Variants in CAST observed in about 807,000 individuals in gnomAD.
CAST encodes the protein calpastatin.
Under a neutral mutation model 119.6 loss-of-function variants are expected in CAST, and 76 were observed. The observed-to-expected ratio is 0.64, with a 90% CI of 0.53 to 0.77. The LOEUF (loss-of-function observed/expected upper bound fraction) is 0.77, where lower values mean the gene tolerates loss of function less well. CAST is among the 30% of genes least tolerant of loss of function. The pLI is 0.00. For missense variants in CAST, 953 were observed against 946.5 expected, an observed-to-expected ratio of 1.01 and a Z score of -0.09; for synonymous variants, 319 against 331.6, an observed-to-expected ratio of 0.96 and a Z score of 0.41.
chr5:96,764,472 T>G (rs1769111857), intron 25 of CAST, among the ~76,000 whole-genome samples: 1 of 152,218 alleles, frequency 6.6e-6, no homozygotes, highest in Non-Finnish European at 1.5e-5. Context: ...GCAATTTCAC[T>G]TCCATGAGCT....
intron 1 of CAST, among the ~76,000 whole-genome samples, chr5:96,650,920 T>G (rs905375530): frequency 6.6e-6 from 1 of 152,172 alleles, no homozygotes; most frequent in Non-Finnish European, 1.5e-5. Context: ...TAGAATTGTG[T>G]TTGGAAATTT....
chr5:96,460,249 G>T, the CAST span, among the ~76,000 whole-genome samples: 53,430 of 151,854 alleles, frequency 0.35, 9,686 homozygotes, highest in Middle Eastern at 0.45. Context: ...AGTCACAAAA[G>T]AATGAGAAGA....
intron 1 of CAST, among the ~76,000 whole-genome samples, chr5:96,575,251 G>T (rs960602727): frequency 6.6e-6 from 1 of 151,834 alleles, no homozygotes; most frequent in African/African-American, 2.4e-5. Flanking sequence ...TGTGTGTGTT[G>T]ATCTTGTATG....
intron 9 of CAST, among the ~76,000 whole-genome samples, chr5:96,733,835 C>G (rs1204078216): frequency 6.6e-6 from 1 of 152,138 alleles, no homozygotes; most frequent in Non-Finnish European, 1.5e-5. Context: ...CAAGATCGCA[C>G]CGTTGCACTC....
At chr5:96,445,540 T>A in the CAST span, among the ~76,000 whole-genome samples, 1 of 152,202 alleles carries the variant, frequency 6.6e-6, no homozygotes, top group African/African-American at 2.4e-5. Context: ...TTTCTAACTT[T>A]ACCTCTCTTT....
chr5:96,617,506 G>A (rs1443761823), intron 1 of CAST, among the ~76,000 whole-genome samples: 2 of 151,948 alleles, frequency 1.3e-5, no homozygotes, highest in African/African-American at 4.8e-5. Flanking sequence ...AAACTCTTAG[G>A]AGGCCGGGCA....
chr5:96,561,852 G>C (rs2150184946), intron 1 of CAST, among the ~76,000 whole-genome samples: 1 of 130,450 alleles, frequency 7.7e-6, no homozygotes, highest in East Asian at 2.1e-4. Context: ...GAGTGCAGTG[G>C]CGCGATCTCG....
chr5:96,093,280 TTTG>T, the CAST span, among the ~76,000 whole-genome samples: 1 of 152,198 alleles, frequency 6.6e-6, no homozygotes, highest in Non-Finnish European at 1.5e-5. Flanking sequence ...ATACAGCTGT[TTTG>T]TTAAGTGATA....
chr5:96,555,757 C>T (rs1158143497), intron 1 of CAST, among the ~76,000 whole-genome samples: 1 of 152,240 alleles, frequency 6.6e-6, no homozygotes, highest in East Asian at 1.9e-4. Flanking sequence ...CCCACTACAG[C>T]TCAAGGAGGC....
chr5:96,759,343 CACTT>C (rs774322725), intron 24 of CAST, among the ~76,000 whole-genome samples: 1 of 152,016 alleles, frequency 6.6e-6, no homozygotes, highest in Non-Finnish European at 1.5e-5. Context: ...TAAAAAGAAA[CACTT>C]AAAACTATTC....
chr5:96,625,434 C>T (rs1405292702), intron 1 of CAST, among the ~76,000 whole-genome samples: 2 of 152,100 alleles, frequency 1.3e-5, no homozygotes, highest in Admixed American at 6.5e-5. Context: ...AAACTAGCAG[C>T]GAAATTGTAT....
At chr5:96,497,912 T>C in the CAST span, among the ~76,000 whole-genome samples, 1 of 152,244 alleles carries the variant, frequency 6.6e-6, no homozygotes, top group Non-Finnish European at 1.5e-5. Context: ...TTGCTTTTGG[T>C]GTTTTAGACA....
At chr5:96,083,212 T>A in the CAST span, among the ~76,000 whole-genome samples, 1 of 152,248 alleles carries the variant, frequency 6.6e-6, no homozygotes, top group Non-Finnish European at 1.5e-5. Flanking sequence ...AATGTTCATA[T>A]AATGCAGCAA....
At chr5:95,967,045 G>C in the CAST span, among the ~76,000 whole-genome samples, 2 of 152,168 alleles carry the variant, frequency 1.3e-5, no homozygotes, top group African/African-American at 4.8e-5. Context: ...CTGAAAAGGA[G>C]AAGAGTGGTA....
chr5:96,434,607 GTTTTT>G, the CAST span, among the ~76,000 whole-genome samples: 1 of 147,394 alleles, frequency 6.8e-6, no homozygotes, highest in African/African-American at 2.5e-5. Context: ...TGGGAAGTTT[GTTTTT>G]TTTTTTGTTG....
chr5:96,561,388 A>G (rs891797223), intron 1 of CAST, among the ~76,000 whole-genome samples: 1 of 151,960 alleles, frequency 6.6e-6, no homozygotes, highest in African/African-American at 2.4e-5. Context: ...TAAAAAAATT[A>G]AAAAGAATGA....
At chr5:96,535,072 C>T (rs1745781657) in intron 1 of CAST, among the ~76,000 whole-genome samples, 1 of 152,062 alleles carries the variant, frequency 6.6e-6, no homozygotes, top group Admixed American at 6.5e-5. Context: ...ACTTGTAGGC[C>T]TAATTACTCT....
At chr5:96,701,334 G>C (rs1753865870) in intron 3 of CAST, among the ~76,000 whole-genome samples, 1 of 152,178 alleles carries the variant, frequency 6.6e-6, no homozygotes, top group African/African-American at 2.4e-5. Context: ...GGAAGCTGTG[G>C]GGCCCAGGGC....
intron 1 of CAST, among the ~76,000 whole-genome samples, chr5:96,538,031 T>A (rs1745848672): frequency 6.6e-6 from 1 of 152,192 alleles, no homozygotes; most frequent in Non-Finnish European, 1.5e-5. Context: ...GCAGGCTCTA[T>A]CTGTTTTCTC....
Sources: gnomAD v4.1 joint callset for allele counts (sites outside exome capture counted in the v4.1 genomes callset) on GRCh38, gnomAD v4.1.1 for gene constraint, MANE v1.5 for transcripts, NCBI Gene and HGNC (gene_info 2026-07-23, HGNC 2026-07-21) for gene names.